ACOXL: variants seen among roughly 807,000 people sequenced by gnomAD.
ACOXL encodes the protein acyl-CoA oxidase like, also known as acyl-coenzyme A oxidase-like protein.
Under a neutral mutation model 71.9 loss-of-function variants are expected in ACOXL, and 70 were observed. The ratio of observed to expected loss-of-function variants is 0.97; its 90% CI spans 0.80 to 1.19. The LOEUF (loss-of-function observed/expected upper bound fraction) is 1.19, where lower values mean the gene tolerates loss of function less well. ACOXL is among the 50% of genes most tolerant of loss of function. ACOXL has a pLI of 0.00. For synonymous variants in ACOXL, 253 were observed against 281.6 expected, an observed-to-expected ratio of 0.90 and a Z score of 1.02; for missense variants, 703 against 736.3, an observed-to-expected ratio of 0.95 and a Z score of 0.52.
At chr2:110,886,953 TTC>T in intron 10 of ACOXL, 2 of 1,361,586 alleles carry the variant, frequency 1.5e-6, no homozygotes, top group Non-Finnish European at 2.0e-6. Context: ...CCCTATAGGC[TTC>T]TCACTGCACT....
intron 14 of ACOXL, among the ~76,000 whole-genome samples, chr2:111,007,801 G>A (rs973457451): frequency 4.6e-5 from 7 of 152,148 alleles, no homozygotes; most frequent in African/African-American, 9.7e-5. Flanking sequence ...ATTAACTCAC[G>A]CATTTGCACA....
At chr2:111,034,971 G>A (rs1234772820) in intron 15 of ACOXL, among the ~76,000 whole-genome samples, 1 of 150,646 alleles carries the variant, frequency 6.6e-6, no homozygotes, top group Non-Finnish European at 1.5e-5. Flanking sequence ...AGGCTGGAGT[G>A]TAGTGGCATG....
chr2:111,071,770 G>A (rs1468645866), intron 16 of ACOXL, among the ~76,000 whole-genome samples: 3 of 152,206 alleles, frequency 2.0e-5, no homozygotes, highest in Non-Finnish European at 4.4e-5. Flanking sequence ...ATAAATTGTA[G>A]GCAAACTCCC....
At chr2:110,954,109 C>T (rs570841204) in intron 12 of ACOXL, among the ~76,000 whole-genome samples, 1 of 152,234 alleles carries the variant, frequency 6.6e-6, no homozygotes, top group Admixed American at 6.5e-5. Flanking sequence ...AGTATTTGAC[C>T]TTTATGTAGT....
At position 110,803,212 on chromosome 2, in the gene ACOXL, A is replaced by C. The variant is rs578229589; in HGVS notation, c.620+1488A>C. On this transcript the variant is annotated intron_variant, in intron 8 of 17. Coordinates refer to ENST00000439055, the MANE Select transcript of ACOXL (RefSeq NM_001142807.4). ...CATATGGAAATGCAGGAAACTTAGA[A>C]TAGCCAAAACAATCTTGATAAAGAA... Among the ~76,000 whole-genome samples, 4 of 152,354 alleles carry C rather than the reference A, an allele frequency of 2.6e-5. No homozygotes were observed. In the South Asian group the frequency reaches 8.3e-4, roughly 32 times the overall value.
chr2:110,852,183 A>G (rs950336839), intron 10 of ACOXL, among the ~76,000 whole-genome samples: 10 of 152,134 alleles, frequency 6.6e-5, no homozygotes, highest in Admixed American at 5.2e-4. Context: ...TGACTTCTGT[A>G]TATTCCCTTG....
At chr2:110,862,815 C>T (rs1232517340) in intron 10 of ACOXL, among the ~76,000 whole-genome samples, 5 of 152,158 alleles carry the variant, frequency 3.3e-5, no homozygotes, top group African/African-American at 7.2e-5. Context: ...GTGAAGGGGC[C>T]GTGGCCAATA....
intron 1 of ACOXL, among the ~76,000 whole-genome samples, chr2:110,757,033 A>C (rs1255592387): frequency 6.6e-6 from 1 of 151,858 alleles, no homozygotes; most frequent in Non-Finnish European, 1.5e-5. Flanking sequence ...TAGCTATTCT[A>C]CCTGATGCTC....
intron 17 of ACOXL, among the ~76,000 whole-genome samples, chr2:111,110,297 C>T (rs2069854230): frequency 6.6e-6 from 1 of 152,126 alleles, no homozygotes; most frequent in Admixed American, 6.5e-5. Context: ...GCTTAGTCCA[C>T]CCACCCCATC....
chr2:110,800,451 A>C (rs911053350), intron 7 of ACOXL, among the ~76,000 whole-genome samples: 4 of 152,228 alleles, frequency 2.6e-5, no homozygotes, highest in Non-Finnish European at 5.9e-5. Context: ...CACATCTGTA[A>C]AGACTATCTT....
chr2:111,100,602 C>T (rs13382791), intron 17 of ACOXL: 1,796 of 153,322 alleles, frequency 0.012, 26 homozygotes, highest in African/African-American at 0.037. Flanking sequence ...TGAGATGCAT[C>T]GTTTCTGTTG....
intron 17 of ACOXL, among the ~76,000 whole-genome samples, chr2:111,109,432 G>C (rs2069782814): frequency 7.1e-6 from 1 of 141,516 alleles, no homozygotes; most frequent in East Asian, 2.0e-4. Flanking sequence ...ACATGGTACT[G>C]ATGGCCTGTT....
At chr2:110,971,843 C>T (rs986702761) in intron 12 of ACOXL, among the ~76,000 whole-genome samples, 6 of 152,192 alleles carry the variant, frequency 3.9e-5, no homozygotes, top group Non-Finnish European at 7.3e-5. Flanking sequence ...GTAATTCAGA[C>T]ATTACATTAA....
At chr2:110,950,361 GA>G in intron 12 of ACOXL, among the ~76,000 whole-genome samples, 1 of 152,266 alleles carries the variant, frequency 6.6e-6, no homozygotes, top group African/African-American at 2.4e-5. Flanking sequence ...CACTGATAAG[GA>G]AAAGAGAGAT....
At chr2:110,864,888 C>T (rs17041594) in intron 10 of ACOXL, among the ~76,000 whole-genome samples, 2,677 of 152,328 alleles carry the variant, frequency 0.018, 41 homozygotes, top group Middle Eastern at 0.058. Context: ...CTCCCTGGAG[C>T]GTCCTGGCCA....
chr2:111,031,001 A>G (rs2065239278), intron 14 of ACOXL, among the ~76,000 whole-genome samples: 1 of 152,246 alleles, frequency 6.6e-6, no homozygotes, highest in Admixed American at 6.5e-5. Flanking sequence ...CACAAAGCAA[A>G]GAAAAAAGAC....
intron 16 of ACOXL, among the ~76,000 whole-genome samples, chr2:111,065,083 C>A (rs2149899016): frequency 6.6e-6 from 1 of 152,292 alleles, no homozygotes; most frequent in Non-Finnish European, 1.5e-5. Context: ...TGGGAGGAAT[C>A]AGTCTATCCA....
intron 11 of ACOXL, among the ~76,000 whole-genome samples, chr2:110,910,670 C>T (rs2149247881): frequency 6.6e-6 from 1 of 152,264 alleles, no homozygotes; most frequent in South Asian, 2.1e-4. Flanking sequence ...TGTCACATTG[C>T]TGTTTAAATT....
chr2:110,940,221 T>C lies in ACOXL; in HGVS notation c.1059+6579T>C, dbSNP rs187687791. Reference sequence around the variant, plus strand: ...GTAAGTTGATTTCATGACCTGCTCATGTGTTGTAGCCTACTGTTTGCAAAA... The same window carrying C: ...GTAAGTTGATTTCATGACCTGCTCACGTGTTGTAGCCTACTGTTTGCAAAA... On this transcript the variant is annotated intron_variant, in intron 12 of 17. Coordinates refer to ENST00000439055, the MANE Select transcript of ACOXL (RefSeq NM_001142807.4). Among the ~76,000 whole-genome samples, 15 of 152,314 alleles carry C rather than the reference T, an allele frequency of 9.8e-5. No homozygotes were observed. The East Asian group carries it at 2.9e-3, about 29-fold the overall frequency.
Sources: allele counts gnomAD v4.1 joint callset (sites outside exome capture counted in the v4.1 genomes callset), GRCh38; gene constraint gnomAD v4.1.1; transcripts MANE v1.5; gene names NCBI Gene and HGNC (gene_info 2026-07-23, HGNC 2026-07-21).